Variants in PAMR1 observed in about 807,000 individuals in gnomAD.
PAMR1 encodes inactive serine protease PAMR1.
In PAMR1, 88 loss-of-function variants were observed where a neutral mutation model predicts 81.8. The observed-to-expected ratio is 1.08, with a 90% confidence interval of 0.91 to 1.28. The LOEUF (loss-of-function observed/expected upper bound fraction) is 1.28. PAMR1 is among the 50% of genes most tolerant of loss of function. The pLI is 0.00. For synonymous variants in PAMR1, 336 were observed against 345.3 expected (o/e 0.97, Z 0.30); for missense variants, 935 against 919.7 (o/e 1.02, Z -0.21).
chr11:35,484,900 G>A (rs1003739222), intron 3 of PAMR1, among the ~76,000 whole-genome samples: 2 of 152,160 alleles, frequency 1.3e-5, no homozygotes, highest in African/African-American at 2.4e-5. Context: ...CCAGTCCAGT[G>A]GTCAGCAGTG....
chr11:35,522,750 G>C (rs1220250860), intron 1 of PAMR1, among the ~76,000 whole-genome samples: 2 of 152,100 alleles, frequency 1.3e-5, no homozygotes, highest in African/African-American at 2.4e-5. Context: ...TTCAATTTTT[G>C]GGGGAACCAT....
At chr11:35,503,463 G>C (rs1039190675) in intron 1 of PAMR1, among the ~76,000 whole-genome samples, 3 of 152,024 alleles carry the variant, frequency 2.0e-5, no homozygotes, top group African/African-American at 7.2e-5. Flanking sequence ...ATTGCTTTGA[G>C]TAGTATTGTC....
At chr11:35,464,721 T>C (rs1856727242) in intron 6 of PAMR1, among the ~76,000 whole-genome samples, 1 of 152,194 alleles carries the variant, frequency 6.6e-6, no homozygotes, top group Non-Finnish European at 1.5e-5. Context: ...GTTCTTACAA[T>C]GCTTCCACTG....
upstream of PAMR1, among the ~76,000 whole-genome samples, chr11:35,527,634 A>T (rs932277612): frequency 1.3e-5 from 2 of 152,154 alleles, no homozygotes; most frequent in African/African-American, 4.8e-5. Flanking sequence ...TGGTGATGGG[A>T]GTGGGAAGAA....
chr11:35,461,764 A>G (rs1856660318), intron 6 of PAMR1, among the ~76,000 whole-genome samples: 1 of 152,066 alleles, frequency 6.6e-6, no homozygotes, highest in South Asian at 2.1e-4. Context: ...GACATTACAG[A>G]TTCATTTCAT....
At chr11:35,473,060 A>G (rs1434733346) in intron 4 of PAMR1, among the ~76,000 whole-genome samples, 1 of 152,184 alleles carries the variant, frequency 6.6e-6, no homozygotes, top group Non-Finnish European at 1.5e-5. Context: ...GGCTTGAAGC[A>G]GAATGGTGAC....
chr11:35,457,811 T>C (rs1461089928), intron 6 of PAMR1, among the ~76,000 whole-genome samples: 7 of 152,188 alleles, frequency 4.6e-5, no homozygotes, highest in Admixed American at 6.5e-5. Flanking sequence ...TGAATGATGT[T>C]CAGAAACTCT....
At chr11:35,503,226 G>T (rs1315658665) in intron 1 of PAMR1, among the ~76,000 whole-genome samples, 1 of 150,694 alleles carries the variant, frequency 6.6e-6, no homozygotes, top group Non-Finnish European at 1.5e-5. Context: ...TACCAGGCTG[G>T]TTTGGTTACT....
chr11:35,481,549 T>C (rs946166006), intron 3 of PAMR1, among the ~76,000 whole-genome samples: 2 of 151,630 alleles, frequency 1.3e-5, no homozygotes, highest in African/African-American at 2.4e-5. Context: ...TTGAGACAGA[T>C]TCTTGCTCCG....
At chr11:35,447,490 A>G (rs924839765) in intron 6 of PAMR1, among the ~76,000 whole-genome samples, 1 of 151,964 alleles carries the variant, frequency 6.6e-6, no homozygotes, top group African/African-American at 2.4e-5. Context: ...GGCGTGAGCC[A>G]TTGCGCCTGG....
intron 1 of PAMR1, among the ~76,000 whole-genome samples, chr11:35,516,219 G>A (rs189136082): frequency 3.7e-4 from 57 of 152,278 alleles, no homozygotes; most frequent in South Asian, 2.5e-3. Flanking sequence ...AGCCATAAAC[G>A]ACAGAGCGAG....
At chr11:35,495,759 TC>T (rs1850716709) in intron 1 of PAMR1, among the ~76,000 whole-genome samples, 1 of 152,192 alleles carries the variant, frequency 6.6e-6, no homozygotes, top group South Asian at 2.1e-4. Context: ...ACAGGGTTGA[TC>T]ACTCTCAATT....
At chr11:35,502,192 T>C (rs1850860393) in intron 1 of PAMR1, among the ~76,000 whole-genome samples, 1 of 152,216 alleles carries the variant, frequency 6.6e-6, no homozygotes, top group Non-Finnish European at 1.5e-5. Flanking sequence ...GCTGGCCATT[T>C]GTATGTCTAC....
chr11:35,477,774 TA>T (rs1850309113), intron 3 of PAMR1, among the ~76,000 whole-genome samples: 1 of 152,170 alleles, frequency 6.6e-6, no homozygotes, highest in Non-Finnish European at 1.5e-5. Flanking sequence ...TAAACTGTCT[TA>T]GGGGCATTCT....
intron 5 of PAMR1, among the ~76,000 whole-genome samples, chr11:35,469,528 C>G (rs1234443964): frequency 3.3e-5 from 5 of 152,214 alleles, no homozygotes; most frequent in African/African-American, 9.7e-5. Context: ...GATCACACCA[C>G]AGCAGCAAAG....
At chr11:35,439,758 C>T (rs1856126353) in intron 7 of PAMR1, 65 bp from the exon 8 acceptor site, 2 of 1,381,220 alleles carry the variant, frequency 1.4e-6, no homozygotes, top group East Asian at 2.3e-5. Context: ...TCATTCAGTT[C>T]AGATTCATAC....
Position 35,492,189 on chromosome 11 carries a change from GA to G in PAMR1, c.251-17del. 6.2e-7 allele frequency: 1 copy of G among 1,613,794 alleles called. No individual in the cohort carries two copies. The highest frequency in any genetic ancestry group is 8.5e-7 in the Non-Finnish European group (1 of 1,179,838). On this transcript the variant is annotated splice_polypyrimidine_tract_variant and intron_variant, in intron 2 of 10. Coordinates refer to ENST00000619888, the MANE Select transcript of PAMR1 (RefSeq NM_001001991.3). ...ATGGTACAACCTGAAACATTCCCAA[GA>G]AGAGGAGTGTTAGGCCAAAGCACCT... is the stretch of plus-strand genomic sequence containing the variant.
chr11:35,455,635 G>C (rs1856512939), intron 6 of PAMR1, among the ~76,000 whole-genome samples: 1 of 152,162 alleles, frequency 6.6e-6, no homozygotes, highest in Non-Finnish European at 1.5e-5. Context: ...TTCAAGCACT[G>C]CTTTGCCTTT....
chr11:35,523,189 T>C (rs16927618), intron 1 of PAMR1, among the ~76,000 whole-genome samples: 33,662 of 151,908 alleles, frequency 0.22, 3,933 homozygotes, highest in Non-Finnish European at 0.25. Context: ...ATCTCATTTT[T>C]CTTGCCACTC....
Sources: allele counts gnomAD v4.1 joint callset (sites outside exome capture counted in the v4.1 genomes callset), GRCh38; gene constraint gnomAD v4.1.1; transcripts MANE v1.5; gene names NCBI Gene and HGNC (gene_info 2026-07-23, HGNC 2026-07-21).